The following COL26A1 variants were observed in gnomAD, a reference collection of about 807,000 sequenced individuals.
COL26A1 encodes collagen alpha-1(XXVI) chain.
A neutral mutation model predicts 59.3 loss-of-function variants in COL26A1; 41 were observed. That is an observed-to-expected ratio of 0.69 (90% CI 0.54 to 0.90). The LOEUF (loss-of-function observed/expected upper bound fraction) is 0.90, where lower values mean the gene tolerates loss of function less well. Ranked by LOEUF, COL26A1 falls within the 40% of genes least tolerant of loss-of-function variation. The probability of loss-of-function intolerance (pLI) is 0.00; values close to 1 mark genes in which losing one functional copy is unlikely to be tolerated. For missense variants in COL26A1, 612 were observed against 602.3 expected, an observed-to-expected ratio of 1.02 and a Z score of -0.17; for synonymous variants, 266 against 256.0, an observed-to-expected ratio of 1.04 and a Z score of -0.37.
chr7:101,436,719 A>ATT (rs112704337), intron 2 of COL26A1, among the ~76,000 whole-genome samples: 1 of 140,466 alleles, frequency 7.1e-6, no homozygotes. Context: ...CCAGCATTTC[A>ATT]TTTTTTTTTT....
At chr7:101,482,587 T>A (rs1381349290) in intron 3 of COL26A1, among the ~76,000 whole-genome samples, 1 of 152,190 alleles carries the variant, frequency 6.6e-6, no homozygotes, top group African/African-American at 2.4e-5. Context: ...AAACAAACAG[T>A]ACCAAGGTTT....
intron 1 of COL26A1, among the ~76,000 whole-genome samples, chr7:101,375,443 C>G (rs1191038635): frequency 1.3e-5 from 2 of 151,980 alleles, no homozygotes; most frequent in African/African-American, 4.8e-5. Context: ...CACCTATAAT[C>G]CCAGCACTTT....
intron 3 of COL26A1, among the ~76,000 whole-genome samples, chr7:101,517,140 G>A (rs573210978): frequency 2.0e-5 from 3 of 151,942 alleles, no homozygotes; most frequent in Non-Finnish European, 4.4e-5. Context: ...CCCATCTCCC[G>A]CCTGAGCTGA....
At position 101,362,875 on chromosome 7, in the gene COL26A1, G is replaced by T; in HGVS notation, c.-158G>T. The T allele has an allele frequency of 1.5e-6, 1 of 671,116 alleles. No individual in the cohort carries two copies. Among genetic ancestry groups the T allele is most frequent in the East Asian group, 3.3e-5 (1 of 30,320 alleles). The allele number at this position is 671,116 out of a possible 1,614,324, so 41.6% of individuals were successfully genotyped here. A position where few individuals can be genotyped will look rare whatever the true frequency, so the allele number is the denominator to read the frequency against. On this transcript the variant is annotated 5_prime_UTR_variant, in exon 1 of 13. Coordinates refer to ENST00000313669, the MANE Select transcript of COL26A1 (RefSeq NM_001278563.3). Reference sequence around the variant, plus strand: ...AAGGCGGCCCCGGAGAGGCGTGGGCGCCCCCCACACATTTCCAGCTCGCAC... The same window carrying T: ...AAGGCGGCCCCGGAGAGGCGTGGGCTCCCCCCACACATTTCCAGCTCGCAC...
Position 101,547,136 on chromosome 7 carries a change from C to G in COL26A1, c.857-20C>G, listed in dbSNP as rs1795752498. The G allele has an allele frequency of 1.3e-6, 2 of 1,558,284 alleles. No homozygotes were observed. Among genetic ancestry groups the G allele is most frequent in the East Asian group, 4.8e-5 (2 of 41,686 alleles). ...CAGGTCTGCCCCACCAGACCCCTGG[C>G]CGCTCCGCTCTTCCCACAGATGGAG... On this transcript the variant is annotated intron_variant, in intron 7 of 12. Coordinates refer to ENST00000313669, the MANE Select transcript of COL26A1 (RefSeq NM_001278563.3).
chr7:101,444,388 TCTTCCTTCCTTTC>T (rs1307885085), intron 2 of COL26A1, among the ~76,000 whole-genome samples: 2 of 151,288 alleles, frequency 1.3e-5, no homozygotes, highest in African/African-American at 4.8e-5. Context: ...CTAATTTCTT[TCTTCCTTCCTTTC>T]CTTCCTTCCT....
Position 101,430,343 on chromosome 7 carries a change from T to C in COL26A1, c.281+10244T>C, listed in dbSNP as rs150371401. Among the ~76,000 whole-genome samples the C allele has an allele frequency of 7.8e-4, 119 of 151,662 alleles. No homozygotes were observed. In the East Asian group the frequency reaches 0.018, roughly 24 times the overall value. ...CTGTTGCCCAGGCTGGAGTGCAGTG[T>C]AGTGGCGCGATCTCAGCTCACTGCA... is the stretch of plus-strand genomic sequence containing the variant. On this transcript the variant is annotated intron_variant, in intron 2 of 12. Coordinates refer to ENST00000313669, the MANE Select transcript of COL26A1 (RefSeq NM_001278563.3).
chr7:101,501,217 G>GAAAAAAAAA (rs111556828), intron 3 of COL26A1, among the ~76,000 whole-genome samples: 14 of 113,018 alleles, frequency 1.2e-4, no homozygotes, highest in Middle Eastern at 5.6e-3. Context: ...GAAAAGAAAA[G>GAAAAAAAAA]AAAAAAAAAA....
intron 2 of COL26A1, 57 bp downstream of exon 2, chr7:101,420,156 C>T: frequency 6.3e-7 from 1 of 1,598,900 alleles, no homozygotes; most frequent in Non-Finnish European, 8.5e-7. Flanking sequence ...TCGGACAAAA[C>T]CAGTCCCAGG....
chr7:101,379,271 G>A (rs577780437), intron 1 of COL26A1, among the ~76,000 whole-genome samples: 2 of 152,094 alleles, frequency 1.3e-5, no homozygotes, highest in African/African-American at 2.4e-5. Context: ...TTTGTTCTGC[G>A]ACTGATGACA....
At chr7:101,464,247 C>T (rs1348420596) in intron 3 of COL26A1, among the ~76,000 whole-genome samples, 2 of 151,914 alleles carry the variant, frequency 1.3e-5, no homozygotes, top group Non-Finnish European at 2.9e-5. Context: ...ATTACAGGCT[C>T]ATGCCACCAC....
chr7:101,525,588 C>T (rs1245236580), intron 3 of COL26A1, among the ~76,000 whole-genome samples: 3 of 151,598 alleles, frequency 2.0e-5, no homozygotes, highest in Admixed American at 1.3e-4. Flanking sequence ...GCTCCGCCTC[C>T]CGGGTTCAAG....
intron 2 of COL26A1, 103 bp from the exon 3 acceptor site, chr7:101,447,581 G>A (rs948841453): frequency 1.2e-5 from 9 of 767,608 alleles, no homozygotes; most frequent in African/African-American, 5.2e-5. Context: ...GGGGCCTCCC[G>A]GAGCCCTGGC....
chr7:101,447,750 A>C lies in COL26A1; in HGVS notation c.348A>C (p.Arg116Ser). Residue 116 changes from arginine to serine, a missense_variant, in exon 3 of 13, where the codon AGA becomes AGC. Coordinates refer to ENST00000313669, the MANE Select transcript of COL26A1 (RefSeq NM_001278563.3). ...GCACGGTGACGGTGCTGGAGTGGAGATGCTGCCCTGGCTTCACCGGGAGCA... is the reference window on the plus strand; with the variant it reads ...GCACGGTGACGGTGCTGGAGTGGAGCTGCTGCCCTGGCTTCACCGGGAGCA... ...SYRTVTVLEW[R>S]CCPGFTGSNC... 6.2e-7 allele frequency: 1 copy of C among 1,606,434 alleles called. No individual in the cohort carries two copies. Among genetic ancestry groups the C allele is most frequent in the Non-Finnish European group, 8.5e-7 (1 of 1,176,664 alleles).
At chr7:101,521,072 A>C (rs941067476) in intron 3 of COL26A1, among the ~76,000 whole-genome samples, 1 of 152,226 alleles carries the variant, frequency 6.6e-6, no homozygotes, top group Non-Finnish European at 1.5e-5. Context: ...GAAACTTACA[A>C]TCATGGTGGA....
intron 3 of COL26A1, among the ~76,000 whole-genome samples, chr7:101,508,685 A>T (rs1352040368): frequency 2.0e-5 from 3 of 151,538 alleles, no homozygotes; most frequent in Non-Finnish European, 2.9e-5. Context: ...TTCTCCCATC[A>T]CTCACGAAAC....
Position 101,524,555 on chromosome 7 carries a change from AC to A in COL26A1, c.386-8526del, listed in dbSNP as rs574274914. 3.7e-3 allele frequency among the ~76,000 whole-genome samples: 556 copies of A among 152,170 alleles called. 3 individuals carry two copies. Among genetic ancestry groups the A allele is most frequent in the Middle Eastern group, 6.8e-3 (2 of 294 alleles). ...ATTTTTACTGGGATGGGGAGAATTA[AC>A]ATCTTTATAATATTGAGTCTTCCAA... is the stretch of plus-strand genomic sequence containing the variant. On this transcript the variant is annotated intron_variant, in intron 3 of 12. Coordinates refer to ENST00000313669, the MANE Select transcript of COL26A1 (RefSeq NM_001278563.3).
intron 3 of COL26A1, among the ~76,000 whole-genome samples, chr7:101,500,243 G>A (rs1041422922): frequency 5.4e-5 from 8 of 147,128 alleles, no homozygotes; most frequent in Admixed American, 1.4e-4. Flanking sequence ...ATTGCCGGGA[G>A]GGGGGGCAAG....
chr7:101,475,000 C>A (rs1793999141), intron 3 of COL26A1, among the ~76,000 whole-genome samples: 1 of 152,140 alleles, frequency 6.6e-6, no homozygotes, highest in Admixed American at 6.5e-5. Flanking sequence ...CGAGACCAGC[C>A]TAGTCAACAT....
Sources: gnomAD v4.1 joint callset for allele counts (sites outside exome capture counted in the v4.1 genomes callset) on GRCh38, gnomAD v4.1.1 for gene constraint, MANE v1.5 for transcripts, NCBI Gene and HGNC (gene_info 2026-07-23, HGNC 2026-07-21) for gene names.